LRRC2: variants seen among roughly 807,000 people sequenced by gnomAD.
LRRC2 encodes leucine rich repeat containing 2.
LRRC2 carries 27 observed loss-of-function variants against 40.2 expected under a neutral mutation model. The observed-to-expected ratio is 0.67, with a 90% CI of 0.49 to 0.93. The LOEUF is 0.93. LRRC2 is among the 40% of genes least tolerant of loss of function. The pLI is 0.00. For missense variants in LRRC2, 402 were observed against 439.6 expected (o/e 0.91, Z 0.76); for synonymous variants, 147 against 158.9 (o/e 0.92, Z 0.56).
chr3:46,534,583 A>C (rs972451599), intron 4 of LRRC2, among the ~76,000 whole-genome samples: 6 of 152,018 alleles, frequency 3.9e-5, no homozygotes, highest in African/African-American at 1.4e-4. Flanking sequence ...ACATCTAACC[A>C]TTGTAAACTG....
At chr3:46,556,901 T>C (rs1456862972) in intron 1 of LRRC2, among the ~76,000 whole-genome samples, 1 of 152,202 alleles carries the variant, frequency 6.6e-6, no homozygotes, top group Non-Finnish European at 1.5e-5. Context: ...TTGAACATTT[T>C]TTCTGCATTA....
At chr3:46,551,326 G>T in intron 2 of LRRC2, 141 bp downstream of exon 2, 1 of 977,150 alleles carries the variant, frequency 1.0e-6, no homozygotes, top group Non-Finnish European at 1.5e-6. Context: ...AACAGTGTAA[G>T]GCTCTGAAGT....
At chr3:46,546,140 G>C (rs1704520634) in intron 2 of LRRC2, among the ~76,000 whole-genome samples, 1 of 152,212 alleles carries the variant, frequency 6.6e-6, no homozygotes, top group African/African-American at 2.4e-5. Context: ...CAGGTCTTCT[G>C]GGGGCTACTT....
Position 46,516,168 on chromosome 3 carries a change from G to A in LRRC2, c.*2846C>T, listed in dbSNP as rs918091872. 1 of 151,740 alleles carries A rather than the reference G, an allele frequency of 6.6e-6. No individual in the cohort carries two copies. Among genetic ancestry groups the A allele is most frequent in the African/African-American group, 2.4e-5 (1 of 41,232 alleles). 9.4% of individuals were successfully genotyped at this position (151,740 alleles called of 1,614,324 possible). A position where few individuals can be genotyped will look rare whatever the true frequency, so the allele number is the denominator to read the frequency against. On this transcript the variant is annotated 3_prime_UTR_variant, in exon 9 of 9. Transcript: ENST00000395905. The stretch of plus-strand genomic sequence containing the variant: ...AGACAGGGTTTCACTATGTTGTTTA[G>A]GCTGGTCTCGAACTCCTGACCTCAT...
At chr3:46,550,001 GT>G (rs1369328044) in intron 2 of LRRC2, among the ~76,000 whole-genome samples, 1 of 152,236 alleles carries the variant, frequency 6.6e-6, no homozygotes, top group East Asian at 1.9e-4. Flanking sequence ...CTTTTTTGTT[GT>G]TTTTTTGTAA....
chr3:46,556,576 CT>C (rs143635012), intron 1 of LRRC2, among the ~76,000 whole-genome samples: 284 of 104,756 alleles, frequency 2.7e-3, no homozygotes, highest in South Asian at 7.6e-3. Context: ...GTCATTATTT[CT>C]TTTTTTTTTT....
intron 7 of LRRC2, among the ~76,000 whole-genome samples, chr3:46,522,573 T>C (rs1703982747): frequency 6.6e-6 from 1 of 151,266 alleles, no homozygotes; most frequent in Admixed American, 6.6e-5. Flanking sequence ...ATTAGCTGAG[T>C]GTGGTGGCAC....
At chr3:46,559,826 A>G (rs1704895831) in intron 1 of LRRC2, 1 of 152,230 alleles carries the variant, frequency 6.6e-6, no homozygotes, top group African/African-American at 2.4e-5. Flanking sequence ...TCTGTCTGTC[A>G]TCTAACCATG....
intron 1 of LRRC2, among the ~76,000 whole-genome samples, chr3:46,552,343 A>G (rs1185033657): frequency 6.6e-6 from 1 of 151,570 alleles, no homozygotes; most frequent in African/African-American, 2.4e-5. Flanking sequence ...TCCTCTCTCA[A>G]GTAGAACGGA....
At position 46,529,900 on chromosome 3, in the gene LRRC2, G is replaced by A. The variant is rs775986748; in HGVS notation, c.773+5C>T. 6.2e-7 allele frequency: 1 copy of A among 1,613,936 alleles called. No homozygotes were observed. The highest frequency in any genetic ancestry group is 1.1e-5 in the South Asian group (1 of 91,028). ...TACACCTCACCTTAGAATGCAAGTA[G>A]CTACCTGTCTATATCTTGCGGCAGG... On this transcript the variant is annotated splice_donor_5th_base_variant and intron_variant, in intron 6 of 8. Coordinates refer to ENST00000395905, the MANE Select transcript of LRRC2 (RefSeq NM_024512.5).
chr3:46,534,225 G>T (rs115419556), intron 4 of LRRC2, among the ~76,000 whole-genome samples: 1 of 152,040 alleles, frequency 6.6e-6, no homozygotes, highest in Non-Finnish European at 1.5e-5. Context: ...ATGGCTTCCA[G>T]CATCATCCAT....
intron 3 of LRRC2, among the ~76,000 whole-genome samples, chr3:46,541,724 A>G (rs1485532848): frequency 6.6e-6 from 1 of 152,146 alleles, no homozygotes; most frequent in Non-Finnish European, 1.5e-5. Context: ...GCCCAAAGAA[A>G]GAGATCGGGT....
chr3:46,526,406 G>A (rs1301142185), intron 7 of LRRC2, among the ~76,000 whole-genome samples: 3 of 152,158 alleles, frequency 2.0e-5, no homozygotes, highest in Admixed American at 1.3e-4. Context: ...GGATGTGGAA[G>A]GGGCTCTAGG....
chr3:46,522,146 G>A (rs1005760828), intron 7 of LRRC2, among the ~76,000 whole-genome samples: 3 of 151,946 alleles, frequency 2.0e-5, no homozygotes, highest in Admixed American at 6.6e-5. Context: ...AGGCTGAGGC[G>A]GGTGGATCAC....
intron 1 of LRRC2, chr3:46,558,926 G>C (rs1029681384): frequency 6.6e-6 from 1 of 152,210 alleles, no homozygotes; most frequent in East Asian, 1.9e-4. Flanking sequence ...TGGGGCCGGG[G>C]AGGAAGGGAA....
rs995475118 is a variant in LRRC2, at chr3:46,518,663, C to CT, written c.*350dup. 5.8e-6 allele frequency: 1 copy of CT among 171,192 alleles called. No homozygotes were observed. Among genetic ancestry groups the CT allele is most frequent in the Non-Finnish European group, 1.2e-5 (1 of 81,232 alleles). The allele number at this position is 171,192 out of a possible 1,614,324, so 10.6% of individuals were successfully genotyped here. On this transcript the variant is annotated 3_prime_UTR_variant, in exon 9 of 9. Coordinates refer to ENST00000395905, the MANE Select transcript of LRRC2 (RefSeq NM_024512.5). ...AGGTGTGAGCCACCACACCCGGCCC[C>CT]TTTATCTTTTGATTCCTGAAAACAA...
intron 7 of LRRC2, among the ~76,000 whole-genome samples, chr3:46,525,434 A>G (rs1373767822): frequency 6.6e-6 from 1 of 151,766 alleles, no homozygotes; most frequent in Non-Finnish European, 1.5e-5. Flanking sequence ...AATTTTTTGT[A>G]GAGACAGTAT....
chr3:46,520,822 C>A (rs1032649823), intron 8 of LRRC2, among the ~76,000 whole-genome samples: 1 of 152,204 alleles, frequency 6.6e-6, no homozygotes, highest in African/African-American at 2.4e-5. Context: ...GGCATCCACA[C>A]CCAGAAAGGA....
intron 5 of LRRC2, among the ~76,000 whole-genome samples, chr3:46,530,695 G>C (rs1012799172): frequency 1.3e-5 from 2 of 152,238 alleles, no homozygotes; most frequent in East Asian, 3.8e-4. Flanking sequence ...CAGGCAAAAA[G>C]AGAGCTTATG....
Sources: allele counts gnomAD v4.1 joint callset (sites outside exome capture counted in the v4.1 genomes callset), GRCh38; gene constraint gnomAD v4.1.1; transcripts MANE v1.5; gene names NCBI Gene and HGNC (gene_info 2026-07-23, HGNC 2026-07-21).